TNIP3: variants seen among roughly 807,000 people sequenced by gnomAD.
The protein encoded by TNIP3 is TNFAIP3 interacting protein 3, also known as TNFAIP3-interacting protein 3.
TNIP3 carries 34 observed loss-of-function variants against 54.1 expected under a neutral mutation model. That is an observed-to-expected ratio of 0.63 (90% CI 0.48 to 0.84). TNIP3 has a LOEUF of 0.84. TNIP3 is among the 40% of genes least tolerant of loss of function. TNIP3 has a pLI of 0.00. For missense variants in TNIP3, 366 were observed against 387.6 expected (o/e 0.94, Z 0.47); for synonymous variants, 134 against 136.8 (o/e 0.98, Z 0.14).
At chr4:121,191,102 T>C (rs1725287181) in intron 2 of TNIP3, among the ~76,000 whole-genome samples, 1 of 152,322 alleles carries the variant, frequency 6.6e-6, no homozygotes, top group South Asian at 2.1e-4. Flanking sequence ...GTTGTTGTTG[T>C]TGTTATTTTA....
intron 2 of TNIP3, among the ~76,000 whole-genome samples, chr4:121,209,049 T>A (rs62321503): frequency 0.039 from 5,917 of 152,320 alleles, 192 homozygotes; most frequent in Non-Finnish European, 0.056. Flanking sequence ...TACTGGGTTC[T>A]GTATGGATAT....
intron 10 of TNIP3, 91 bp from the exon 11 acceptor site, chr4:121,132,753 G>T: frequency 9.3e-7 from 1 of 1,076,082 alleles, no homozygotes; most frequent in Non-Finnish European, 1.3e-6. Flanking sequence ...GTTCCAGGAT[G>T]GCAAAAAAAA....
chr4:121,176,346 T>A (rs1579444033), intron 3 of TNIP3, among the ~76,000 whole-genome samples: 1 of 151,502 alleles, frequency 6.6e-6, no homozygotes, highest in Non-Finnish European at 1.5e-5. Context: ...GCTAAACAGA[T>A]CCTCACACAA....
chr4:121,149,446 C>T (rs1056800510), intron 6 of TNIP3, among the ~76,000 whole-genome samples: 1 of 152,202 alleles, frequency 6.6e-6, no homozygotes, highest in Non-Finnish European at 1.5e-5. Flanking sequence ...TGAAAAAGTC[C>T]AGAGTTGGGA....
Position 121,150,146 on chromosome 4 carries a change from C to A in TNIP3, c.566G>T (p.Cys189Phe), listed in dbSNP as rs1243193255. Reference sequence around the variant, plus strand: ...CATTTCTGTTCTCATCTCCTCATGGCAGAATTCCACTCGAGACTTCCTCAA... The same window carrying A: ...CATTTCTGTTCTCATCTCCTCATGGAAGAATTCCACTCGAGACTTCCTCAA... ...DCLRKSRVEF[C>F]HEEMRTEMEV... Residue 189 changes from cysteine (C) to phenylalanine (F), a missense_variant, in exon 6 of 11, where the codon TGC becomes TTC. By Grantham distance (205) the Cys-to-Phe change is radical (BLOSUM62 -2). Transcript: ENST00000057513. 6.2e-7 allele frequency: 1 copy of A among 1,613,868 alleles called. No homozygotes were observed. Among genetic ancestry groups the A allele is most frequent in the East Asian group, 2.2e-5 (1 of 44,858 alleles).
At chr4:121,210,224 T>C (rs777760314) in intron 2 of TNIP3, among the ~76,000 whole-genome samples, 2 of 151,180 alleles carry the variant, frequency 1.3e-5, no homozygotes, top group East Asian at 1.9e-4. Flanking sequence ...TAATGAATTA[T>C]AATTTATAAT....
At chr4:121,163,960 AC>A in intron 1 of TNIP3, 99 bp downstream of exon 1, 4 of 1,376,240 alleles carry the variant, frequency 2.9e-6, no homozygotes. Flanking sequence ...AAGAAAGCAA[AC>A]TAGCCATTTC....
chr4:121,218,640 GTC>G (rs202046111), upstream of TNIP3, among the ~76,000 whole-genome samples: 1,057 of 142,872 alleles, frequency 7.4e-3, 5 homozygotes, highest in Middle Eastern at 0.043. Flanking sequence ...CCCTCTCTCT[GTC>G]TCTCTTTCTT....
intron 3 of TNIP3, among the ~76,000 whole-genome samples, chr4:121,174,279 C>A (rs1170276308): frequency 6.6e-6 from 1 of 152,078 alleles, no homozygotes; most frequent in East Asian, 1.9e-4. Context: ...GTGGCTGACA[C>A]CTATAATCCG....
intron 2 of TNIP3, among the ~76,000 whole-genome samples, chr4:121,205,832 C>G (rs982491544): frequency 2.8e-4 from 42 of 152,180 alleles, no homozygotes; most frequent in African/African-American, 1.0e-3. Flanking sequence ...GAAGAAATAC[C>G]TGAGACTGGG....
Position 121,132,662 on chromosome 4 carries a change from C to T in TNIP3, c.947G>A (p.Gly316Asp). The change falls in exon 11 of 11, where the codon GGT (glycine) becomes GAT (aspartate). Residue 316 changes from glycine to aspartate, a missense_variant and splice_region_variant. By Grantham distance (94) the Gly-to-Asp change is moderately conservative. Transcript: ENST00000057513. ...ATGGACTTTCTTTACTGAGGATAAA[C>T]CTATGGAAAACAGTAGGAAAATGTT... The part of the protein sequence containing the change: ...LPPDVQHKAN[G>D]LSSVKKVHP 1 of 1,610,936 alleles carries T rather than the reference C, an allele frequency of 6.2e-7. No individual in the cohort carries two copies. Among genetic ancestry groups the T allele is most frequent in the Non-Finnish European group, 8.5e-7 (1 of 1,177,482 alleles).
At chr4:121,201,593 G>C (rs1725890138) in intron 2 of TNIP3, among the ~76,000 whole-genome samples, 1 of 152,126 alleles carries the variant, frequency 6.6e-6, no homozygotes. Context: ...TGCAATACAT[G>C]TCTGCATGTT....
intron 1 of TNIP3, chr4:121,216,510 A>C: frequency 6.5e-7 from 1 of 1,535,690 alleles, no homozygotes; most frequent in Non-Finnish European, 8.7e-7. Context: ...TCTAAAATAA[A>C]AAAATATGAA....
intron 2 of TNIP3, among the ~76,000 whole-genome samples, chr4:121,192,357 G>C (rs1240757209): frequency 6.6e-6 from 1 of 152,150 alleles, no homozygotes; most frequent in African/African-American, 2.4e-5. Context: ...CAGCGTTAAC[G>C]TCCCTTCTCA....
chr4:121,202,146 C>T (rs931640216), intron 2 of TNIP3, among the ~76,000 whole-genome samples: 7 of 152,068 alleles, frequency 4.6e-5, no homozygotes, highest in Admixed American at 6.6e-5. Flanking sequence ...ATCACAATAC[C>T]CAATTTCAAA....
chr4:121,133,652 G>A (rs1326824300), intron 10 of TNIP3, among the ~76,000 whole-genome samples: 1 of 152,218 alleles, frequency 6.6e-6, no homozygotes, highest in African/African-American at 2.4e-5. Flanking sequence ...GAGAGAGGCT[G>A]TGGCCAATGA....
chr4:121,137,611 A>T (rs1215450568), intron 10 of TNIP3: 1 of 211,002 alleles, frequency 4.7e-6, no homozygotes, highest in Non-Finnish European at 9.7e-6. Flanking sequence ...ATAGAGTACC[A>T]TGATGAGCCC....
At chr4:121,178,079 T>G (rs534470210) in intron 3 of TNIP3, among the ~76,000 whole-genome samples, 9 of 152,304 alleles carry the variant, frequency 5.9e-5, no homozygotes, top group African/African-American at 1.9e-4. Flanking sequence ...TGACACCAGC[T>G]GGAGCTCTGC....
chr4:121,215,976 AG>A, intron 2 of TNIP3, among the ~76,000 whole-genome samples: 1 of 152,072 alleles, frequency 6.6e-6, no homozygotes, highest in Non-Finnish European at 1.5e-5. Flanking sequence ...CGCCTAAGTA[AG>A]GGATTTTTTT....
Sources: gnomAD v4.1 joint callset for allele counts (sites outside exome capture counted in the v4.1 genomes callset) on GRCh38, gnomAD v4.1.1 for gene constraint, MANE v1.5 for transcripts, NCBI Gene and HGNC (gene_info 2026-07-23, HGNC 2026-07-21) for gene names.